The following TSPAN11 variants were observed in gnomAD, a reference collection of about 807,000 sequenced individuals.
TSPAN11 encodes tetraspanin-11.
TSPAN11 carries 29 observed loss-of-function variants against 32.9 expected under a neutral mutation model. The observed-to-expected ratio is 0.88, with a 90% confidence interval of 0.66 to 1.20. The LOEUF (loss-of-function observed/expected upper bound fraction) is 1.20. TSPAN11 is among the 50% of genes most tolerant of loss of function. The pLI is 0.00. For synonymous variants in TSPAN11, 140 were observed against 141.3 expected (o/e 0.99, Z 0.07); for missense variants, 283 against 329.1 (o/e 0.86, Z 1.08).
chr12:30,984,463 T>C (rs1369606683), intron 7 of TSPAN11, among the ~76,000 whole-genome samples: 1 of 152,054 alleles, frequency 6.6e-6, no homozygotes, highest in Non-Finnish European at 1.5e-5. Context: ...TTCTGTAGAC[T>C]TCAGAGGATT....
At chr12:31,005,177 A>T in the TSPAN11 span, among the ~76,000 whole-genome samples, 1 of 152,218 alleles carries the variant, frequency 6.6e-6, no homozygotes, top group Non-Finnish European at 1.5e-5. Flanking sequence ...AAATCAACAC[A>T]GTAAAAAGTT....
chr12:31,011,529 T>C, the TSPAN11 span, among the ~76,000 whole-genome samples: 1 of 152,148 alleles, frequency 6.6e-6, no homozygotes, highest in South Asian at 2.1e-4. Flanking sequence ...GAGGCAACTC[T>C]CACTGCAGCC....
Position 30,994,187 on chromosome 12 carries a change from A to C in TSPAN11, c.*2272A>C, listed in dbSNP as rs1939372057. ...AGGAAACAGAGGCCCAGGATACGGCAGGTTCTGCCTGGGAGTGTACAATGG... is the reference window on the plus strand; with the variant it reads ...AGGAAACAGAGGCCCAGGATACGGCCGGTTCTGCCTGGGAGTGTACAATGG... On this transcript the variant is annotated 3_prime_UTR_variant, in exon 8 of 8. Coordinates refer to ENST00000546076, the MANE Select transcript of TSPAN11 (RefSeq NM_001370302.1). The C allele has an allele frequency of 6.6e-6, 1 of 152,404 alleles. No individual in the cohort carries two copies. The highest frequency in any genetic ancestry group is 6.5e-5 in the Admixed American group (1 of 15,274). The allele number at this position is 152,404 out of a possible 1,614,324, so 9.4% of individuals were successfully genotyped here. A position where few individuals can be genotyped will look rare whatever the true frequency, so the allele number is the denominator to read the frequency against.
At position 30,992,048 on chromosome 12, in the gene TSPAN11, A is replaced by G. The variant is rs540981291; in HGVS notation, c.*133A>G. 2.0e-6 allele frequency: 2 copies of G among 989,170 alleles called. No individual in the cohort carries two copies. Among genetic ancestry groups the G allele is most frequent in the South Asian group, 2.8e-5 (2 of 71,940 alleles). The allele number at this position is 989,170 out of a possible 1,614,324, so 61.3% of individuals were successfully genotyped here. A position where few individuals can be genotyped will look rare whatever the true frequency, so the allele number is the denominator to read the frequency against. ...CCTCCTTTGTGCCTAGCTCCTGCGA[A>G]TCCACCGAGTGCCTGAGACCATAGC... On this transcript the variant is annotated 3_prime_UTR_variant, in exon 8 of 8. Transcript: ENST00000546076.
chr12:30,974,373 C>T (rs1012437110), intron 3 of TSPAN11, among the ~76,000 whole-genome samples: 6 of 152,192 alleles, frequency 3.9e-5, no homozygotes, highest in African/African-American at 7.2e-5. Context: ...GCTTAGCATC[C>T]GGGCCTCGAC....
At chr12:30,952,014 A>G (rs115356674) in intron 1 of TSPAN11, among the ~76,000 whole-genome samples, 213 of 152,328 alleles carry the variant, frequency 1.4e-3, no homozygotes, top group African/African-American at 4.9e-3. Context: ...CCCACCACTA[A>G]TGACTGAAAT....
intron 1 of TSPAN11, among the ~76,000 whole-genome samples, chr12:30,943,398 G>A (rs1273844806): frequency 6.6e-6 from 1 of 152,252 alleles, no homozygotes. Flanking sequence ...AAAAAGGGAT[G>A]ATGATTCCAT....
At chr12:30,937,860 G>C (rs2140272682) in intron 1 of TSPAN11, among the ~76,000 whole-genome samples, 1 of 152,328 alleles carries the variant, frequency 6.6e-6, no homozygotes, top group African/African-American at 2.4e-5. Context: ...CCGCTCTGAG[G>C]TGCTGTCCTT....
chr12:30,996,833 G>T (rs1254993886), downstream of TSPAN11, among the ~76,000 whole-genome samples: 2 of 152,188 alleles, frequency 1.3e-5, no homozygotes, highest in Non-Finnish European at 2.9e-5. Context: ...GCTCCTGGCT[G>T]CAAAGGACAG....
intron 3 of TSPAN11, among the ~76,000 whole-genome samples, chr12:30,968,054 G>C (rs761654061): frequency 1.3e-5 from 2 of 152,208 alleles, no homozygotes; most frequent in Non-Finnish European, 2.9e-5. Flanking sequence ...CAGTGTAAAA[G>C]TGCTGTATGG....
intron 2 of TSPAN11, among the ~76,000 whole-genome samples, chr12:30,955,567 G>T (rs577760917): frequency 2.6e-5 from 4 of 152,120 alleles, no homozygotes; most frequent in Non-Finnish European, 5.9e-5. Context: ...AAACTGGATG[G>T]CTTCAAACAA....
chr12:30,947,420 C>T (rs949891751), intron 1 of TSPAN11, among the ~76,000 whole-genome samples: 3 of 152,058 alleles, frequency 2.0e-5, no homozygotes, highest in East Asian at 1.9e-4. Context: ...TGTATTAGTC[C>T]GTTTTCATGC....
intron 1 of TSPAN11, among the ~76,000 whole-genome samples, chr12:30,939,478 C>T (rs577524573): frequency 1.3e-5 from 2 of 152,292 alleles, no homozygotes; most frequent in South Asian, 2.1e-4. Flanking sequence ...CAGGATGACG[C>T]GCCTTCCTCA....
At chr12:31,005,605 G>A in the TSPAN11 span, among the ~76,000 whole-genome samples, 4,423 of 152,244 alleles carry the variant, frequency 0.029, 129 homozygotes, top group African/African-American at 0.072. Context: ...ACTCCTCCCC[G>A]CCCCTCCACC....
At chr12:31,012,911 G>A in the TSPAN11 span, among the ~76,000 whole-genome samples, 1 of 152,192 alleles carries the variant, frequency 6.6e-6, no homozygotes, top group African/African-American at 2.4e-5. Context: ...TATTTTCTGT[G>A]CACATCTTAA....
At position 30,975,163 on chromosome 12, in the gene TSPAN11, C is replaced by T. The variant is rs538383404; in HGVS notation, c.277-3398C>T. On this transcript the variant is annotated intron_variant, in intron 3 of 7. Transcript: ENST00000546076. The surrounding 1 kb of genome is among the most constrained non-coding windows in gnomAD (Gnocchi z 4.5). The stretch of plus-strand genomic sequence containing the variant: ...TGTGCCGCAGGGGCCCTGAGATGAT[C>T]GCGCCGGACCCAGGGAGTCAGGAAA... 9.9e-4 allele frequency among the ~76,000 whole-genome samples: 151 copies of T among 152,282 alleles called. No homozygotes were observed. Among genetic ancestry groups the T allele is most frequent in the Non-Finnish European group, 6.0e-4 (41 of 68,014 alleles).
intron 5 of TSPAN11, among the ~76,000 whole-genome samples, chr12:30,981,986 C>T (rs1939101710): frequency 6.6e-6 from 1 of 152,188 alleles, no homozygotes; most frequent in African/African-American, 2.4e-5. Flanking sequence ...TGGGGTGGTA[C>T]AGATGACCCC....
At chr12:30,942,094 T>C (rs1938177724) in intron 1 of TSPAN11, among the ~76,000 whole-genome samples, 1 of 152,176 alleles carries the variant, frequency 6.6e-6, no homozygotes, top group Non-Finnish European at 1.5e-5. Context: ...TGAGACTGCA[T>C]CCCAGCCGTC....
chr12:30,959,390 G>A (rs1023707610), intron 2 of TSPAN11, among the ~76,000 whole-genome samples: 2 of 152,226 alleles, frequency 1.3e-5, no homozygotes, highest in East Asian at 1.9e-4. Flanking sequence ...AGAACAATGC[G>A]TGAAAGGTGG....
Sources: gnomAD v4.1 joint callset for allele counts (sites outside exome capture counted in the v4.1 genomes callset) on GRCh38, gnomAD v4.1.1 for gene constraint, Gnocchi (gnomAD v3.1) non-coding constraint, MANE v1.5 for transcripts, NCBI Gene and HGNC (gene_info 2026-07-23, HGNC 2026-07-21) for gene names.